The following DERA variants were observed in gnomAD, a reference collection of about 807,000 sequenced individuals.
The protein encoded by DERA is deoxyribose-phosphate aldolase.
A neutral mutation model predicts 41.1 loss-of-function variants in DERA; 15 were observed. The ratio of observed to expected loss-of-function variants is 0.37; its 90% CI spans 0.24 to 0.56. The LOEUF is 0.56. DERA is among the 20% of genes least tolerant of loss of function. The pLI, the probability that DERA is intolerant of heterozygous loss-of-function variation, is 0.81. For synonymous variants in DERA, 139 were observed against 137.4 expected (o/e 1.01, Z -0.08); for missense variants, 396 against 403.4 (o/e 0.98, Z 0.16).
chr12:15,986,152 T>C (rs1948762850), intron 6 of DERA, among the ~76,000 whole-genome samples: 1 of 152,184 alleles, frequency 6.6e-6, no homozygotes. Context: ...ATGATGTTCA[T>C]CTGGCCACAC....
At position 15,956,627 on chromosome 12, in the gene DERA, C is replaced by T. The variant is rs146659157; in HGVS notation, c.32-309C>T. On this transcript the variant is annotated intron_variant, in intron 1 of 8. Transcript: ENST00000428559. Reference sequence around the variant, plus strand: ...TGGCATGGGTAACACACATTTCCCACGTCGTTAGACATGTCTGTGTGATGA... The same window carrying T: ...TGGCATGGGTAACACACATTTCCCATGTCGTTAGACATGTCTGTGTGATGA... 1,704 of 414,214 alleles carry T rather than the reference C, an allele frequency of 4.1e-3. 6 individuals are homozygous for T. Among genetic ancestry groups the T allele is most frequent in the Non-Finnish European group, 6.5e-3 (1,389 of 213,726 alleles). The allele number at this position is 414,214 out of a possible 1,614,324, so 25.7% of individuals were successfully genotyped here.
rs1948325025 is a variant in DERA at position 15,931,196 on chromosome 12, C to T, written c.31+19782C>T. Among the ~76,000 whole-genome samples, 1 of 152,210 alleles carries T rather than the reference C, an allele frequency of 6.6e-6. No homozygotes were observed. The highest frequency in any genetic ancestry group is 2.4e-5 in the African/African-American group (1 of 41,456). On this transcript the variant is annotated intron_variant, in intron 1 of 8. Transcript: ENST00000428559. This position sits in a 1 kb window ranked among gnomAD's most constrained non-coding sequence, Gnocchi z 4.6. Reference sequence around the variant, plus strand: ...TAACTTGCGTGACTAGCACAACATCCAGCATAAATAGCAGCTTTAGGAATA... The same window carrying T: ...TAACTTGCGTGACTAGCACAACATCTAGCATAAATAGCAGCTTTAGGAATA...
intron 1 of DERA, among the ~76,000 whole-genome samples, chr12:15,914,406 A>G (rs1052584360): frequency 4.6e-5 from 7 of 151,618 alleles, no homozygotes; most frequent in Admixed American, 2.0e-4. Flanking sequence ...AAAAAAAAAA[A>G]AAAAAAGAAA....
rs892208507 is a variant in DERA, at chr12:15,928,180, A to G, written c.31+16766A>G. ...CTCTCTTAGCCGTTTTGAAACATAC[A>G]TGAGTATTAACTGTAGCTACCATGC... On this transcript the variant is annotated intron_variant, in intron 1 of 8. Transcript: ENST00000428559. This position sits in a 1 kb window ranked among gnomAD's most constrained non-coding sequence, Gnocchi z 4.6. Among the ~76,000 whole-genome samples the G allele has an allele frequency of 2.0e-5, 3 of 152,204 alleles. No individual in the cohort carries two copies. Among genetic ancestry groups the G allele is most frequent in the South Asian group, 2.1e-4 (1 of 4,824 alleles).
chr12:15,929,323 C>T (rs1028823833), intron 1 of DERA, among the ~76,000 whole-genome samples: 14 of 152,212 alleles, frequency 9.2e-5, no homozygotes, highest in Non-Finnish European at 2.1e-4. Context: ...GGAGAAATTG[C>T]AGAAAGAGAG....
chr12:15,930,292 G>A (rs944049657), intron 1 of DERA, among the ~76,000 whole-genome samples: 3 of 152,096 alleles, frequency 2.0e-5, no homozygotes, highest in African/African-American at 7.2e-5. Flanking sequence ...TGTGTGCTAG[G>A]ATATAATGGA....
chr12:16,031,051 A>G (rs929610686), intron 6 of DERA, among the ~76,000 whole-genome samples: 2 of 152,204 alleles, frequency 1.3e-5, no homozygotes, highest in Non-Finnish European at 2.9e-5. Context: ...AGTGCTTGCT[A>G]TGCGATTGTC....
In DERA at chr12:15,984,066, A is replaced by G. The variant is rs1380684205; in HGVS notation, c.637+1630A>G. Among the ~76,000 whole-genome samples the G allele has an allele frequency of 6.6e-6, 1 of 152,198 alleles. No individual in the cohort carries two copies. The highest frequency in any genetic ancestry group is 1.5e-5 in the Non-Finnish European group (1 of 68,032). On this transcript the variant is annotated intron_variant, in intron 6 of 8. Coordinates refer to ENST00000428559, the MANE Select transcript of DERA (RefSeq NM_015954.4). The surrounding 1 kb of genome is among the most constrained non-coding windows in gnomAD (Gnocchi z 4.5). ...GCACAAGTGATTGTTAGCCCAGGTA[A>G]CAAAGTAAAAGTTTGGAAACGAATA...
intron 1 of DERA, among the ~76,000 whole-genome samples, chr12:15,930,521 C>T (rs1034043363): frequency 6.6e-6 from 1 of 152,100 alleles, no homozygotes; most frequent in Non-Finnish European, 1.5e-5. Flanking sequence ...TGGTACCATC[C>T]TATGACTATT....
At position 16,019,642 on chromosome 12, in the gene DERA, T is replaced by C. The variant is rs1256165028; in HGVS notation, c.638-12900T>C. Among the ~76,000 whole-genome samples, 2 of 152,226 alleles carry C rather than the reference T, an allele frequency of 1.3e-5. No homozygotes were observed. Among genetic ancestry groups the C allele is most frequent in the Admixed American group, 6.5e-5 (1 of 15,290 alleles). On this transcript the variant is annotated intron_variant, in intron 6 of 8. Transcript: ENST00000428559. This position sits in a 1 kb window ranked among gnomAD's most constrained non-coding sequence, Gnocchi z 4.4. ...CTTTTGGTGTTTCTTTTTATGGTGGTGTTCTTCCATGTGTGCCCTCTCATC... is the reference window on the plus strand; with the variant it reads ...CTTTTGGTGTTTCTTTTTATGGTGGCGTTCTTCCATGTGTGCCCTCTCATC...
intron 5 of DERA, among the ~76,000 whole-genome samples, chr12:15,974,363 A>C (rs1948683695): frequency 6.6e-6 from 1 of 152,196 alleles, no homozygotes; most frequent in Admixed American, 6.5e-5. Flanking sequence ...TTAACCTAAG[A>C]ATACTAAGAA....
In DERA at chr12:15,924,504, A is replaced by G. The variant is rs935994178; in HGVS notation, c.31+13090A>G. Among the ~76,000 whole-genome samples, 4 of 152,244 alleles carry G rather than the reference A, an allele frequency of 2.6e-5. No individual in the cohort carries two copies. On this transcript the variant is annotated intron_variant, in intron 1 of 8. Coordinates refer to ENST00000428559, the MANE Select transcript of DERA (RefSeq NM_015954.4). The surrounding 1 kb of genome is among the most constrained non-coding windows in gnomAD (Gnocchi z 5.0). The stretch of plus-strand genomic sequence containing the variant: ...TTCTAGAAATAACTTGGGTTTTTGA[A>G]TTATAGAGATCTGTGTTTCCATCTT...
rs1291843362 is a variant in DERA at position 15,982,810 on chromosome 12, T to C, written c.637+374T>C. Among the ~76,000 whole-genome samples the C allele has an allele frequency of 2.0e-5, 3 of 152,262 alleles. No homozygotes were observed. Among genetic ancestry groups the C allele is most frequent in the African/African-American group, 7.2e-5 (3 of 41,464 alleles). ...GCTTTTCATTTATCTCAGAGATATATATCCATACTATCTGAGACAGCCTCT... is the reference window on the plus strand; with the variant it reads ...GCTTTTCATTTATCTCAGAGATATACATCCATACTATCTGAGACAGCCTCT... On this transcript the variant is annotated intron_variant, in intron 6 of 8. Transcript: ENST00000428559. The surrounding 1 kb of genome is among the most constrained non-coding windows in gnomAD (Gnocchi z 4.0).
At chr12:15,926,766 CAA>C (rs71438361) in intron 1 of DERA, among the ~76,000 whole-genome samples, 2,240 of 130,206 alleles carry the variant, frequency 0.017, 20 homozygotes, top group South Asian at 0.045. Context: ...AAAAAAGAAA[CAA>C]GAGAATCCAG....
At chr12:15,961,252 A>G (rs1948585726) in intron 4 of DERA, among the ~76,000 whole-genome samples, 1 of 152,254 alleles carries the variant, frequency 6.6e-6, no homozygotes, top group African/African-American at 2.4e-5. Flanking sequence ...AGGACTTGGT[A>G]TGACAGAAAA....
intron 6 of DERA, among the ~76,000 whole-genome samples, chr12:16,030,769 A>G (rs1949087375): frequency 6.6e-6 from 1 of 152,234 alleles, no homozygotes; most frequent in Non-Finnish European, 1.5e-5. Flanking sequence ...ACCTGCTCAC[A>G]AAGGCAGGAA....
At chr12:15,948,803 C>T (rs1948472299) in intron 1 of DERA, among the ~76,000 whole-genome samples, 1 of 152,192 alleles carries the variant, frequency 6.6e-6, no homozygotes, top group Non-Finnish European at 1.5e-5. Flanking sequence ...AGCTTTTCTG[C>T]TCTGTTTTTC....
chr12:15,991,963 T>A (rs1203398766), intron 6 of DERA, among the ~76,000 whole-genome samples: 2 of 152,096 alleles, frequency 1.3e-5, no homozygotes, highest in African/African-American at 4.8e-5. Context: ...TCCTATTGAT[T>A]ATGCAAAGGC....
At position 15,922,845 on chromosome 12, in the gene DERA, C is replaced by G. The variant is rs967265810; in HGVS notation, c.31+11431C>G. On this transcript the variant is annotated intron_variant, in intron 1 of 8. Coordinates refer to ENST00000428559, the MANE Select transcript of DERA (RefSeq NM_015954.4). This position sits in a 1 kb window ranked among gnomAD's most constrained non-coding sequence, Gnocchi z 4.9. ...TTTCCAAGTCTGTAAAACAGACACACGAGAATGTAGGTTCATCAGTTGTAA... is the reference window on the plus strand; with the variant it reads ...TTTCCAAGTCTGTAAAACAGACACAGGAGAATGTAGGTTCATCAGTTGTAA... Among the ~76,000 whole-genome samples the G allele has an allele frequency of 1.2e-4, 18 of 152,002 alleles. No homozygotes were observed. In the South Asian group the frequency reaches 1.2e-3, roughly 11 times the overall value.
Sources: allele counts gnomAD v4.1 joint callset (sites outside exome capture counted in the v4.1 genomes callset), GRCh38; gene constraint gnomAD v4.1.1; non-coding constraint Gnocchi (gnomAD v3.1); transcripts MANE v1.5; gene names NCBI Gene and HGNC (gene_info 2026-07-23, HGNC 2026-07-21).